AK8: variants seen among roughly 807,000 people sequenced by gnomAD.
AK8 encodes adenylate kinase 8.
Under a neutral mutation model 54.6 loss-of-function variants are expected in AK8, and 44 were observed. The observed-to-expected ratio is 0.81, with a 90% confidence interval of 0.63 to 1.04. AK8 has a LOEUF of 1.04. AK8 is among the 50% of genes least tolerant of loss of function. The pLI, the probability that AK8 is intolerant of heterozygous loss-of-function variation, is 0.00. For synonymous variants in AK8, 239 were observed against 245.6 expected, an observed-to-expected ratio of 0.97 and a Z score of 0.25; for missense variants, 555 against 613.6, an observed-to-expected ratio of 0.90 and a Z score of 1.01.
chr9:132,737,922 C>T (rs1837193319), intron 11 of AK8, among the ~76,000 whole-genome samples: 1 of 152,226 alleles, frequency 6.6e-6, no homozygotes, highest in Admixed American at 6.5e-5. Flanking sequence ...GAAAACACTC[C>T]ACCTCTGAGT....
chr9:132,733,959 C>T (rs1293081842), intron 11 of AK8, among the ~76,000 whole-genome samples: 1 of 151,986 alleles, frequency 6.6e-6, no homozygotes, highest in African/African-American at 2.4e-5. Flanking sequence ...TTTGGGAGGC[C>T]TCTAATCCCT....
At chr9:132,732,785 T>A (rs1177165803) in intron 11 of AK8, among the ~76,000 whole-genome samples, 1 of 152,064 alleles carries the variant, frequency 6.6e-6, no homozygotes, top group Non-Finnish European at 1.5e-5. Context: ...TATGTATATA[T>A]TCATGTATGT....
intron 5 of AK8, among the ~76,000 whole-genome samples, chr9:132,849,834 C>A (rs956704856): frequency 6.6e-6 from 1 of 151,866 alleles, no homozygotes; most frequent in Non-Finnish European, 1.5e-5. Context: ...GCAACCTCCT[C>A]CTCCAGGTTC....
intron 9 of AK8, among the ~76,000 whole-genome samples, chr9:132,820,136 T>A (rs1230029676): frequency 6.7e-5 from 5 of 74,912 alleles, no homozygotes; most frequent in Admixed American, 4.3e-4. Context: ...GGTGACAGAG[T>A]AAGACCCGAA....
At chr9:132,817,121 G>A (rs576799656) in intron 9 of AK8, among the ~76,000 whole-genome samples, 5 of 152,234 alleles carry the variant, frequency 3.3e-5, no homozygotes, top group Admixed American at 1.3e-4. Flanking sequence ...TGAACACCCC[G>A]GACATTCAGC....
intron 10 of AK8, among the ~76,000 whole-genome samples, chr9:132,793,216 A>G (rs1009614442): frequency 3.3e-5 from 5 of 152,212 alleles, no homozygotes; most frequent in Non-Finnish European, 5.9e-5. Flanking sequence ...ACCTGGTGGA[A>G]GGGGTGAGAA....
chr9:132,878,310 C>T (rs1844247573), upstream of AK8: 2 of 1,319,066 alleles, frequency 1.5e-6, no homozygotes, highest in South Asian at 2.8e-5. The surrounding 1 kb of genome is among the most constrained non-coding windows in gnomAD (Gnocchi z 4.7). Flanking sequence ...GCCGCCGCGC[C>T]GACTGCGTCA....
chr9:132,862,147 G>C (rs577289468), intron 4 of AK8, among the ~76,000 whole-genome samples: 6 of 152,218 alleles, frequency 3.9e-5, no homozygotes, highest in African/African-American at 1.4e-4. Flanking sequence ...AGCCCGAAAG[G>C]CTGGTGTCCC....
chr9:132,783,701 C>T (rs1174017766), intron 11 of AK8, among the ~76,000 whole-genome samples: 2 of 151,298 alleles, frequency 1.3e-5, no homozygotes, highest in African/African-American at 2.4e-5. Flanking sequence ...AGAATGGACT[C>T]CATGATATAG....
intron 11 of AK8, among the ~76,000 whole-genome samples, chr9:132,774,908 A>G (rs1186632390): frequency 6.6e-6 from 1 of 152,206 alleles, no homozygotes; most frequent in Non-Finnish European, 1.5e-5. Flanking sequence ...TGGGCCCCTA[A>G]TAAGAGCTTG....
intron 10 of AK8, among the ~76,000 whole-genome samples, chr9:132,810,445 G>A (rs981279251): frequency 6.6e-6 from 1 of 152,116 alleles, no homozygotes; most frequent in Non-Finnish European, 1.5e-5. Context: ...TGCTTTTAGT[G>A]GTGGATGAAT....
chr9:132,857,473 A>G lies in AK8; in HGVS notation c.334-2548T>C, dbSNP rs527794439. On this transcript the variant is annotated intron_variant, in intron 4 of 12. Transcript: ENST00000298545. ...GGAGCTTCCCCAGGCTGGCAAGGGAAGGGGTGGACAGGAAGCAGCCCTGTC... is the reference window on the plus strand; with the variant it reads ...GGAGCTTCCCCAGGCTGGCAAGGGAGGGGGTGGACAGGAAGCAGCCCTGTC... 5.5e-3 allele frequency among the ~76,000 whole-genome samples: 835 copies of G among 152,142 alleles called. 12 individuals are homozygous for G. Among genetic ancestry groups the G allele is most frequent in the African/African-American group, 0.018 (764 of 41,506 alleles).
chr9:132,727,668 A>G lies in AK8; in HGVS notation c.1122-134T>C. ...GGCCGATTCCTAGAGCCAGCAAGCA[A>G]TGTGCCTGCAAACCTGCCTTTCATG... On this transcript the variant is annotated intron_variant, in intron 11 of 12. Coordinates refer to ENST00000298545, the MANE Select transcript of AK8 (RefSeq NM_152572.3). The G allele has an allele frequency of 6.4e-6, 5 of 776,776 alleles. No individual in the cohort carries two copies. The South Asian group carries it at 8.5e-5, about 13-fold the overall frequency. 48.1% of individuals were successfully genotyped at this position (776,776 alleles called of 1,614,324 possible).
chr9:132,859,770 CG>C (rs1843313640), intron 4 of AK8, among the ~76,000 whole-genome samples: 2 of 151,956 alleles, frequency 1.3e-5, no homozygotes, highest in African/African-American at 4.8e-5. Context: ...AAAAAAGACT[CG>C]GCTGAAAAGA....
intron 5 of AK8, 109 bp from the exon 6 acceptor site, chr9:132,828,835 A>C (rs2131309276): frequency 4.0e-6 from 3 of 749,062 alleles, no homozygotes; most frequent in African/African-American, 3.6e-5. Flanking sequence ...CTTTTAAGAC[A>C]AAAAAAATGT....
chr9:132,848,931 C>T (rs1436437799), intron 5 of AK8, among the ~76,000 whole-genome samples: 1 of 136,062 alleles, frequency 7.3e-6, no homozygotes, highest in Non-Finnish European at 1.5e-5. Flanking sequence ...TTTTTTGACA[C>T]GGAGTCTCAC....
At chr9:132,835,858 T>G (rs987317595) in intron 5 of AK8, among the ~76,000 whole-genome samples, 1 of 152,172 alleles carries the variant, frequency 6.6e-6, no homozygotes, top group Admixed American at 6.5e-5. Flanking sequence ...GCGCAGTGGC[T>G]CACGCCTGTA....
chr9:132,817,207 A>T (rs1312021654), intron 9 of AK8, among the ~76,000 whole-genome samples: 1 of 152,210 alleles, frequency 6.6e-6, no homozygotes, highest in Non-Finnish European at 1.5e-5. Flanking sequence ...CTCCCACTTA[A>T]CAAAGCCTGA....
At chr9:132,763,857 C>A (rs2131063067) in intron 11 of AK8, among the ~76,000 whole-genome samples, 1 of 152,278 alleles carries the variant, frequency 6.6e-6, no homozygotes, top group Middle Eastern at 3.4e-3. Flanking sequence ...CAGGGTACAG[C>A]AAATGCAGTA....
Sources: allele counts gnomAD v4.1 joint callset (sites outside exome capture counted in the v4.1 genomes callset), GRCh38; gene constraint gnomAD v4.1.1; non-coding constraint Gnocchi (gnomAD v3.1); transcripts MANE v1.5; gene names NCBI Gene and HGNC (gene_info 2026-07-23, HGNC 2026-07-21).